TENM4: variants seen among roughly 807,000 people sequenced by gnomAD.
The protein encoded by TENM4 is teneurin-4.
Under a neutral mutation model 243.3 loss-of-function variants are expected in TENM4, and 82 were observed. The observed-to-expected ratio is 0.34, with a 90% confidence interval of 0.28 to 0.40. The LOEUF (loss-of-function observed/expected upper bound fraction) is 0.40, where lower values mean the gene tolerates loss of function less well. Among genes scored for constraint, TENM4 ranks in the 10% least tolerant of loss-of-function variants. TENM4 has a pLI of 1.00. For synonymous variants in TENM4, 1,412 were observed against 1,456.3 expected, an observed-to-expected ratio of 0.97 and a Z score of 0.69; for missense variants, 3,138 against 3,673.3, an observed-to-expected ratio of 0.85 and a Z score of 3.77.
intron 2 of TENM4, among the ~76,000 whole-genome samples, chr11:79,273,809 C>A (rs1422737597): frequency 1.3e-5 from 2 of 152,184 alleles, no homozygotes; most frequent in African/African-American, 2.4e-5. Context: ...CTGGATCAAA[C>A]CATCAGCCCT....
intron 3 of TENM4, among the ~76,000 whole-genome samples, chr11:79,151,004 C>T (rs1307173932): frequency 1.3e-5 from 2 of 152,146 alleles, no homozygotes; most frequent in African/African-American, 4.8e-5. Flanking sequence ...CACTCAGCTA[C>T]TATGTGGCAG....
chr11:78,900,255 T>G (rs1855898656), intron 7 of TENM4, among the ~76,000 whole-genome samples: 1 of 152,242 alleles, frequency 6.6e-6, no homozygotes, highest in South Asian at 2.1e-4. Context: ...GACTTTTATT[T>G]TCTCCATTTT....
rs117067198 is a variant in TENM4, at chr11:78,840,586, A to G, written c.1681+13518T>C. ...AAGAAACCAGCCCTAACCTCCCTCA[A>G]ATTTGCCATCACTAAATCTTTGCTT... On this transcript the variant is annotated intron_variant, in intron 12 of 33. Coordinates refer to ENST00000278550, the MANE Select transcript of TENM4 (RefSeq NM_001098816.3). Among the ~76,000 whole-genome samples, 1,222 of 152,212 alleles carry G rather than the reference A, an allele frequency of 8.0e-3. 5 individuals carry two copies. Among genetic ancestry groups the G allele is most frequent in the Non-Finnish European group, 0.012 (829 of 68,014 alleles).
At chr11:79,092,610 T>A (rs1441376984) in intron 4 of TENM4, among the ~76,000 whole-genome samples, 2 of 152,242 alleles carry the variant, frequency 1.3e-5, no homozygotes, top group East Asian at 3.8e-4. Context: ...TGCTGCTTAT[T>A]TTAACTAAAG....
chr11:79,034,515 T>C (rs1269472285), intron 6 of TENM4, among the ~76,000 whole-genome samples: 1 of 152,236 alleles, frequency 6.6e-6, no homozygotes, highest in African/African-American at 2.4e-5. Flanking sequence ...AGGAATTTTT[T>C]TTAAAGAACA....
chr11:79,243,573 C>T (rs965964969), intron 2 of TENM4, among the ~76,000 whole-genome samples: 1 of 152,062 alleles, frequency 6.6e-6, no homozygotes, highest in Non-Finnish European at 1.5e-5. Context: ...AACAGAAACA[C>T]AAGAGGAGGG....
At chr11:79,333,404 G>T (rs1590886912) in intron 1 of TENM4, among the ~76,000 whole-genome samples, 1 of 152,118 alleles carries the variant, frequency 6.6e-6, no homozygotes. Context: ...TAATCTTTAT[G>T]TGGTTGGTTT....
Position 78,838,502 on chromosome 11 carries a change from G to A in TENM4, c.1681+15602C>T, listed in dbSNP as rs564452146. On this transcript the variant is annotated intron_variant, in intron 12 of 33. Coordinates refer to ENST00000278550, the MANE Select transcript of TENM4 (RefSeq NM_001098816.3). ...TCGACCCAGAGATATGTGAATATTG[G>A]GTTTTACCCTCTTCTAGCTTGACTT... 6.6e-5 allele frequency among the ~76,000 whole-genome samples: 10 copies of A among 152,198 alleles called. No homozygotes were observed. In the South Asian group the frequency reaches 2.1e-3, roughly 32 times the overall value.
chr11:79,125,845 A>G (rs552851148), intron 4 of TENM4, among the ~76,000 whole-genome samples: 1 of 152,260 alleles, frequency 6.6e-6, no homozygotes, highest in South Asian at 2.1e-4. Context: ...ACCTATAACT[A>G]AAGTCCCAGC....
At position 78,672,103 on chromosome 11, in the gene TENM4, T is replaced by C. The variant is rs1201064079; in HGVS notation, c.5723A>G (p.Asp1908Gly). 1.9e-6 allele frequency: 3 copies of C among 1,613,894 alleles called. No individual in the cohort carries two copies. In the African/African-American group the frequency reaches 4.0e-5, roughly 22 times the overall value. Reference sequence around the variant, plus strand: ...CCTGGATGTGATGCGGCCCGCCTGGTCGTATTCCATTCTTTCAGACATGAT... The same window carrying C: ...CCTGGATGTGATGCGGCCCGCCTGGCCGTATTCCATTCTTTCAGACATGAT... ...RGIMSERMEY[D>G]QAGRITSRIF... Residue 1908 changes from aspartate to glycine, a missense_variant, in exon 31 of 34, where the codon GAC (aspartate) becomes GGC (glycine). Physicochemically the swap from Asp to Gly is moderately conservative, Grantham distance 94. This residue lies in a region of TENM4 where 2,467 missense variants were observed against 3,059.1 expected (regional missense o/e 0.81). Transcript: ENST00000278550.
Position 78,749,714 on chromosome 11 carries a change from T to C in TENM4, c.2756+7091A>G, listed in dbSNP as rs116376486. Among the ~76,000 whole-genome samples, 1,040 of 152,360 alleles carry C rather than the reference T, an allele frequency of 6.8e-3. 7 individuals are homozygous for C. The highest frequency in any genetic ancestry group is 0.024 in the African/African-American group (998 of 41,580). The stretch of plus-strand genomic sequence containing the variant: ...TGAAAACTCTTGCTTTTAAAATTCC[T>C]GGAAGCTTTGTGCCTTTCTATAGGG... On this transcript the variant is annotated intron_variant, in intron 19 of 33. Transcript: ENST00000278550.
At chr11:79,122,165 G>A (rs1419493822) in intron 4 of TENM4, among the ~76,000 whole-genome samples, 3 of 152,134 alleles carry the variant, frequency 2.0e-5, no homozygotes, top group Admixed American at 2.0e-4. Flanking sequence ...TTCCTCTAGG[G>A]AATGCAATTT....
chr11:78,871,193 C>A (rs528058538), intron 9 of TENM4, among the ~76,000 whole-genome samples: 92 of 152,272 alleles, frequency 6.0e-4, no homozygotes, highest in Middle Eastern at 3.4e-3. Flanking sequence ...AGTTACATGA[C>A]AACTTTACTC....
chr11:78,884,232 G>C (rs1050983599), intron 9 of TENM4, among the ~76,000 whole-genome samples: 1 of 152,196 alleles, frequency 6.6e-6, no homozygotes, highest in Non-Finnish European at 1.5e-5. Context: ...CAGCAGTGCT[G>C]AGATTTAAAA....
At chr11:78,705,673 A>T (rs2135781839) in intron 27 of TENM4, among the ~76,000 whole-genome samples, 1 of 152,284 alleles carries the variant, frequency 6.6e-6, no homozygotes, top group Non-Finnish European at 1.5e-5. Context: ...TTGCAGAGTG[A>T]TTTTCTTGCA....
chr11:79,295,896 A>AACACACACACACACACACACAC (rs199711050), intron 2 of TENM4, among the ~76,000 whole-genome samples: 1 of 130,912 alleles, frequency 7.6e-6, no homozygotes, highest in Non-Finnish European at 1.6e-5. Flanking sequence ...CCAGGGATTA[A>AACACACACACACACACACACAC]ACACACACAC....
intron 1 of TENM4, among the ~76,000 whole-genome samples, chr11:79,343,202 T>G (rs1025453427): frequency 6.6e-6 from 1 of 152,234 alleles, no homozygotes; most frequent in Non-Finnish European, 1.5e-5. Context: ...TACTGACCAC[T>G]AAGCACTCTG....
chr11:78,925,026 T>C (rs1856524557), intron 6 of TENM4, among the ~76,000 whole-genome samples: 1 of 152,194 alleles, frequency 6.6e-6, no homozygotes, highest in South Asian at 2.1e-4. Flanking sequence ...TAAAAGTAAT[T>C]TCATACACGT....
chr11:79,431,659 A>C (rs1175944219), intron 1 of TENM4, among the ~76,000 whole-genome samples: 1 of 152,238 alleles, frequency 6.6e-6, no homozygotes, highest in African/African-American at 2.4e-5. Flanking sequence ...AGTGAAAAAT[A>C]GCAGCATGAA....
Sources: gnomAD v4.1 joint callset for allele counts (sites outside exome capture counted in the v4.1 genomes callset) on GRCh38, gnomAD v4.1.1 for gene constraint, gnomAD v4.1.1 regional missense constraint, MANE v1.5 for transcripts, NCBI Gene and HGNC (gene_info 2026-07-23, HGNC 2026-07-21) for gene names.